The following ILDR2 variants were observed in gnomAD, a reference collection of about 807,000 sequenced individuals.
ILDR2 encodes immunoglobulin-like domain-containing receptor 2.
In ILDR2, 25 loss-of-function variants were observed where a neutral mutation model predicts 66.8. The ratio of observed to expected loss-of-function variants is 0.37; its 90% CI spans 0.27 to 0.52. The LOEUF is 0.52. Ranked by LOEUF, ILDR2 falls within the 20% of genes least tolerant of loss-of-function variation. ILDR2 has a pLI of 0.88. For missense variants in ILDR2, 827 were observed against 876.8 expected, an observed-to-expected ratio of 0.94 and a Z score of 0.72; for synonymous variants, 367 against 357.2, an observed-to-expected ratio of 1.03 and a Z score of -0.31.
chr1:166,965,580 T>TG (rs1427522432), intron 1 of ILDR2, among the ~76,000 whole-genome samples: 2 of 148,302 alleles, frequency 1.3e-5, no homozygotes, highest in African/African-American at 5.1e-5. Context: ...GTTTTTTTTT[T>TG]TGTTTTTTTT....
At position 166,909,758 on chromosome 1, in the gene ILDR2, T is replaced by C. The variant is rs796386340; in HGVS notation, c.*9597A>G. On this transcript the variant is annotated 3_prime_UTR_variant, in exon 10 of 10. Transcript: ENST00000271417. ...ATACATATATATATATATATATATATAAATATATATAAATATATATATTTA... is the reference window on the plus strand; with the variant it reads ...ATACATATATATATATATATATATACAAATATATATAAATATATATATTTA... 1 of 74,344 alleles carries C rather than the reference T, an allele frequency of 1.3e-5. No individual in the cohort carries two copies. The highest frequency in any genetic ancestry group is 5.6e-4 in the East Asian group (1 of 1,774). 4.6% of individuals were successfully genotyped at this position (74,344 alleles called of 1,614,324 possible).
intron 6 of ILDR2, among the ~76,000 whole-genome samples, chr1:166,930,458 G>C (rs1167646904): frequency 6.6e-6 from 1 of 152,138 alleles, no homozygotes. Flanking sequence ...TTTGACTTTA[G>C]GAGTATCATC....
At chr1:166,972,343 T>C (rs763499319) in intron 1 of ILDR2, among the ~76,000 whole-genome samples, 1 of 152,158 alleles carries the variant, frequency 6.6e-6, no homozygotes. Context: ...TCGACACAGC[T>C]CCAGCGTTTC....
At chr1:166,970,707 T>C (rs905009965) in intron 1 of ILDR2, among the ~76,000 whole-genome samples, 2 of 152,138 alleles carry the variant, frequency 1.3e-5, no homozygotes, top group African/African-American at 4.8e-5. Flanking sequence ...CAATTCTATA[T>C]AAACTAGCCA....
chr1:166,939,652 C>T, intron 3 of ILDR2, 82 bp from the exon 4 acceptor site: 1 of 1,185,322 alleles, frequency 8.4e-7, no homozygotes, highest in Non-Finnish European at 1.3e-6. Flanking sequence ...CCAGTTGGTA[C>T]CATCCACACG....
intron 2 of ILDR2, among the ~76,000 whole-genome samples, chr1:166,897,261 G>T (rs1268414727): frequency 6.6e-6 from 1 of 152,166 alleles, no homozygotes; most frequent in African/African-American, 2.4e-5. Context: ...TTTAGGAGGG[G>T]AAGTTGGCGT....
intron 1 of ILDR2, among the ~76,000 whole-genome samples, chr1:166,965,719 C>A (rs552613274): frequency 2.0e-4 from 30 of 150,292 alleles, no homozygotes; most frequent in Non-Finnish European, 3.8e-4. Context: ...ACTACAGGTG[C>A]GTGCCACCAT....
intron 3 of ILDR2, among the ~76,000 whole-genome samples, chr1:166,940,580 C>T (rs1661253426): frequency 1.3e-5 from 2 of 152,166 alleles, no homozygotes; most frequent in Non-Finnish European, 2.9e-5. Context: ...ACCTCTAGAA[C>T]AGCACCAGCC....
rs1364594132 is a variant in ILDR2 at position 166,908,865 on chromosome 1, G to A, written c.*10490C>T. The A allele has an allele frequency of 2.0e-5, 3 of 152,238 alleles. No individual in the cohort carries two copies. The highest frequency in any genetic ancestry group is 7.2e-5 in the African/African-American group (3 of 41,460). 9.4% of individuals were successfully genotyped at this position (152,238 alleles called of 1,614,324 possible). A position where few individuals can be genotyped will look rare whatever the true frequency, so the allele number is the denominator to read the frequency against. ...TTGGGTTGGAATAATACGTGTGAGG[G>A]AATTGGCAACAAAAGGAAGCCGGAA... is the stretch of plus-strand genomic sequence containing the variant. On this transcript the variant is annotated 3_prime_UTR_variant, in exon 10 of 10. Transcript: ENST00000271417.
chr1:166,926,069 C>T (rs973589097), intron 7 of ILDR2, among the ~76,000 whole-genome samples: 4 of 152,172 alleles, frequency 2.6e-5, no homozygotes, highest in African/African-American at 9.7e-5. Flanking sequence ...ATGGATACAA[C>T]GCAGACAGGA....
chr1:166,940,119 C>T (rs1661222153), intron 3 of ILDR2, among the ~76,000 whole-genome samples: 1 of 152,198 alleles, frequency 6.6e-6, no homozygotes, highest in African/African-American at 2.4e-5. Flanking sequence ...CATTCCTCTA[C>T]ACTCCTTCTG....
intron 1 of ILDR2, among the ~76,000 whole-genome samples, chr1:166,959,136 T>A (rs1465970894): frequency 6.6e-6 from 1 of 152,238 alleles, no homozygotes; most frequent in Non-Finnish European, 1.5e-5. Context: ...TTTTCCTCAC[T>A]TCTTTGCTTG....
intron 1 of ILDR2, among the ~76,000 whole-genome samples, chr1:166,965,720 G>A (rs543935482): frequency 2.0e-5 from 3 of 150,104 alleles, no homozygotes; most frequent in South Asian, 2.1e-4. Flanking sequence ...CTACAGGTGC[G>A]TGCCACCATG....
intron 1 of ILDR2, among the ~76,000 whole-genome samples, chr1:166,964,842 T>C (rs1195597126): frequency 6.6e-6 from 1 of 152,230 alleles, no homozygotes; most frequent in Non-Finnish European, 1.5e-5. Context: ...CTTGCAAGAA[T>C]AACAAACACA....
At chr1:166,932,385 G>A (rs1017674068) in intron 6 of ILDR2, among the ~76,000 whole-genome samples, 1 of 152,220 alleles carries the variant, frequency 6.6e-6, no homozygotes, top group Non-Finnish European at 1.5e-5. Context: ...TGGCTGTGAA[G>A]AAGAGTAAAG....
At chr1:166,968,030 A>G (rs2102022309) in intron 1 of ILDR2, among the ~76,000 whole-genome samples, 1 of 152,208 alleles carries the variant, frequency 6.6e-6, no homozygotes, top group South Asian at 2.1e-4. Context: ...AGCCTTGTCC[A>G]TGTCTAATCT....
intron 2 of ILDR2, among the ~76,000 whole-genome samples, chr1:166,897,343 C>T (rs766031816): frequency 1.1e-4 from 17 of 152,022 alleles, no homozygotes; most frequent in Admixed American, 2.6e-4. Context: ...TCTCTGGTTC[C>T]GGGGAGGTAA....
At chr1:166,944,017 C>T (rs1018868463) in intron 3 of ILDR2, 11 of 174,516 alleles carry the variant, frequency 6.3e-5, no homozygotes, top group Non-Finnish European at 1.2e-4. Context: ...ATAGACCAAA[C>T]GAATCAGGCA....
chr1:166,967,308 G>T (rs1252795278), intron 1 of ILDR2, among the ~76,000 whole-genome samples: 1 of 152,182 alleles, frequency 6.6e-6, no homozygotes, highest in Non-Finnish European at 1.5e-5. Flanking sequence ...GACTCTTACA[G>T]GAGAGAGAAA....
Sources: gnomAD v4.1 joint callset for allele counts (sites outside exome capture counted in the v4.1 genomes callset) on GRCh38, gnomAD v4.1.1 for gene constraint, MANE v1.5 for transcripts, NCBI Gene and HGNC (gene_info 2026-07-23, HGNC 2026-07-21) for gene names.